The following BBS10 variants were observed in gnomAD, a reference collection of about 807,000 sequenced individuals.
The protein encoded by BBS10 is Bardet-Biedl syndrome 10.
In BBS10, 13 loss-of-function variants were observed where a neutral mutation model predicts 12.7. The ratio of observed to expected loss-of-function variants is 1.03; its 90% confidence interval spans 0.67 to 1.63. The LOEUF (loss-of-function observed/expected upper bound fraction) is 1.63, where lower values mean the gene tolerates loss of function less well. BBS10 is among the 40% of genes most tolerant of loss of function. The pLI is 0.00. For synonymous variants in BBS10, 294 were observed against 304.8 expected, an observed-to-expected ratio of 0.96 and a Z score of 0.37; for missense variants, 858 against 858.0, an observed-to-expected ratio of 1.00 and a Z score of 0.00.
rs780774293 is a variant in BBS10, at chr12:76,347,804, T to G, written c.198-17A>C. 1 of 1,597,960 alleles carries G rather than the reference T, an allele frequency of 6.3e-7. No homozygotes were observed. On this transcript the variant is annotated splice_polypyrimidine_tract_variant and intron_variant, in intron 1 of 1. Coordinates refer to ENST00000650064, the MANE Select transcript of BBS10 (RefSeq NM_024685.4). ...ACTATCATCCTGTACAAAAAAGAAA[T>G]AAAGCAACTCATTTTCAGAAGGCTG...
At position 76,348,399 on chromosome 12, in the gene BBS10, C is replaced by G. The variant is rs1202750827; in HGVS notation, c.-41G>C. The G allele has an allele frequency of 5.2e-6, 8 of 1,545,244 alleles. No homozygotes were observed. The highest frequency in any genetic ancestry group is 1.2e-5 in the South Asian group (1 of 84,258). ...CCTTTTTGACCAGCTTGCAGAACACCCGGGCCGACCGAAAACAGGGGTGGG... is the reference window on the plus strand; with the variant it reads ...CCTTTTTGACCAGCTTGCAGAACACGCGGGCCGACCGAAAACAGGGGTGGG... On this transcript the variant is annotated 5_prime_UTR_variant, in exon 1 of 2. Coordinates refer to ENST00000650064, the MANE Select transcript of BBS10 (RefSeq NM_024685.4).
chr12:76,346,980 T>C lies in BBS10; in HGVS notation c.1005A>G (p.Ser335=). ...VNGISVVECL[S]SEEVSLIRRI... ...TCCGGATAAGAGAAACTTCTTCTGA[T>C]GATAAACACTCAACCACTGATATGC... is the stretch of plus-strand genomic sequence containing the variant. Residue 335 remains serine (S), a synonymous_variant, in exon 2 of 2, where the codon TCA becomes TCG. Coordinates refer to ENST00000650064, the MANE Select transcript of BBS10 (RefSeq NM_024685.4). The C allele has an allele frequency of 1.2e-6, 2 of 1,611,346 alleles. No individual in the cohort carries two copies. Among genetic ancestry groups the C allele is most frequent in the Middle Eastern group, 1.6e-4 (1 of 6,062 alleles).
Position 76,347,046 on chromosome 12 carries a change from C to T in BBS10, c.939G>A (p.Val313=), listed in dbSNP as rs770072752. 1.2e-6 allele frequency: 2 copies of T among 1,613,160 alleles called. No homozygotes were observed. The highest frequency in any genetic ancestry group is 2.2e-5 in the South Asian group (2 of 91,080). The change falls in exon 2 of 2, where the codon GTG becomes GTA. Residue 313 remains valine (V), a synonymous_variant. Transcript: ENST00000650064. ...AATAACTAACTAAATCTGGTTGTTTCACACTAGATATGAGCAATTTTACAT... is the reference window on the plus strand; with the variant it reads ...AATAACTAACTAAATCTGGTTGTTTTACACTAGATATGAGCAATTTTACAT... ...SQNVKLLISS[V]KQPDLVSYYA...
intron 1 of BBS10, 82 bp downstream of exon 1, chr12:76,348,080 G>C (rs1951776707): frequency 6.9e-7 from 1 of 1,445,084 alleles, no homozygotes; most frequent in African/African-American, 1.4e-5. Context: ...TTCTAAGTAC[G>C]CATCGCCTCA....
rs202042386 is a variant in BBS10, at chr12:76,346,796, T to C, written c.1189A>G (p.Ile397Val). The C allele has an allele frequency of 2.0e-5, 33 of 1,614,034 alleles. No homozygotes were observed. Among genetic ancestry groups the C allele is most frequent in the Middle Eastern group, 1.6e-4 (1 of 6,084 alleles). ...CCATGCACTGGTCCACAAAGAACTA[T>C]AGAGTGTGGTATAAATGCACATGTG... Reference protein sequence around the residue: ...ISTCAFIPHSIVLCGPVHGLI... With the variant: ...ISTCAFIPHSVVLCGPVHGLI... The change falls in exon 2 of 2, where the codon ATA (isoleucine) becomes GTA (valine). Residue 397 changes from isoleucine to valine, a missense_variant. Ile to Val is a conservative substitution (Grantham distance 29). Coordinates refer to ENST00000650064, the MANE Select transcript of BBS10 (RefSeq NM_024685.4).
chr12:76,344,762 G>T lies in BBS10; in HGVS notation c.*1051C>A, dbSNP rs3087711. The T allele has an allele frequency of 6.6e-6, 1 of 152,032 alleles. No individual in the cohort carries two copies. The highest frequency in any genetic ancestry group is 1.5e-5 in the Non-Finnish European group (1 of 67,952). 9.4% of individuals were successfully genotyped at this position (152,032 alleles called of 1,614,324 possible). ...AATGAATTAAAGATAACACTGTTTTGTTCAACAAGCACTTCTGAATACTTG... is the reference window on the plus strand; with the variant it reads ...AATGAATTAAAGATAACACTGTTTTTTTCAACAAGCACTTCTGAATACTTG... On this transcript the variant is annotated 3_prime_UTR_variant, in exon 2 of 2. Coordinates refer to ENST00000650064, the MANE Select transcript of BBS10 (RefSeq NM_024685.4).
chr12:76,347,305 C>A lies in BBS10; in HGVS notation c.680G>T (p.Gly227Val), dbSNP rs1220264476. The change falls in exon 2 of 2, where the codon GGC (glycine) becomes GTC (valine). Residue 227 changes from glycine to valine, a missense_variant. By Grantham distance (109) the Gly-to-Val change is moderately radical. Coordinates refer to ENST00000650064, the MANE Select transcript of BBS10 (RefSeq NM_024685.4). ...HFVELNVGVT[G>V]LPVSDSRIIA... ...GATCCTGGAATCTGAAACAGGAAGGCCAGTGACACCAACATTCAACTCTAC... is the reference window on the plus strand; with the variant it reads ...GATCCTGGAATCTGAAACAGGAAGGACAGTGACACCAACATTCAACTCTAC... The A allele has an allele frequency of 1.2e-6, 2 of 1,613,886 alleles. No individual in the cohort carries two copies. The highest frequency in any genetic ancestry group is 1.7e-6 in the Non-Finnish European group (2 of 1,179,998).
chr12:76,347,377 G>A lies in BBS10; in HGVS notation c.608C>T (p.Thr203Ile), dbSNP rs1951767529. ...LMCDYFFKCM[T>I]CKSGIGVFEL... is the part of the protein sequence containing the mutation. ...AAATACACCAATCCCACTTTTACAA[G>A]TCATACACTTGAAAAAGTAGTCACA... Residue 203 changes from threonine to isoleucine, a missense_variant, in exon 2 of 2, where the codon ACT (threonine) becomes ATT (isoleucine). By Grantham distance (89) the Thr-to-Ile change is moderately conservative (BLOSUM62 -1). Coordinates refer to ENST00000650064, the MANE Select transcript of BBS10 (RefSeq NM_024685.4). 6.2e-7 allele frequency: 1 copy of A among 1,613,850 alleles called. No individual in the cohort carries two copies. The highest frequency in any genetic ancestry group is 8.5e-7 in the Non-Finnish European group (1 of 1,180,020).
At position 76,346,851 on chromosome 12, in the gene BBS10, G is replaced by A. The variant is rs764371181; in HGVS notation, c.1134C>T (p.Ser378=). The A allele has an allele frequency of 1.9e-6, 3 of 1,613,920 alleles. No individual in the cohort carries two copies. In the East Asian group the frequency reaches 6.7e-5, roughly 36 times the overall value. ...TCAAGCCTAGATGAACATATCTTTT[G>A]GATCTAAGGATAAGAGGTTTACAAA... The part of the protein sequence containing the change: ...VKFCKPLILR[S]KRYVHLGLIS... Residue 378 remains serine (S), a synonymous_variant, in exon 2 of 2, where the codon TCC becomes TCT. Coordinates refer to ENST00000650064, the MANE Select transcript of BBS10 (RefSeq NM_024685.4).
rs1009167954 is a variant in BBS10, at chr12:76,345,617, T to A, written c.*196A>T. The A allele has an allele frequency of 8.7e-6, 5 of 571,870 alleles. No individual in the cohort carries two copies. Among genetic ancestry groups the A allele is most frequent in the African/African-American group, 7.5e-5 (4 of 53,198 alleles). The allele number at this position is 571,870 out of a possible 1,614,324, so 35.4% of individuals were successfully genotyped here. On this transcript the variant is annotated 3_prime_UTR_variant, in exon 2 of 2. Transcript: ENST00000650064. ...AGACACACTTAGCCAAATCTTGGCTTCCCCTCTAGATTTGTTCCATAAAGT... is the reference window on the plus strand; with the variant it reads ...AGACACACTTAGCCAAATCTTGGCTACCCCTCTAGATTTGTTCCATAAAGT...
chr12:76,347,383 C>A lies in BBS10; in HGVS notation c.602G>T (p.Cys201Phe). The change falls in exon 2 of 2, where the codon TGT becomes TTT. Residue 201 changes from cysteine (C) to phenylalanine (F), a missense_variant. Physicochemically the swap from Cys to Phe is radical, Grantham distance 205 (BLOSUM62 -2). Coordinates refer to ENST00000650064, the MANE Select transcript of BBS10 (RefSeq NM_024685.4). The part of the protein sequence containing the change: ...SQLMCDYFFK[C>F]MTCKSGIGVF... ...ACCAATCCCACTTTTACAAGTCATA[C>A]ACTTGAAAAAGTAGTCACACATCAA... is the stretch of plus-strand genomic sequence containing the variant. The A allele has an allele frequency of 6.2e-7, 1 of 1,614,034 alleles. No homozygotes were observed. The highest frequency in any genetic ancestry group is 1.1e-5 in the South Asian group (1 of 91,082).
At chr12:76,347,888 T>C in intron 1 of BBS10, 101 bp from the exon 2 acceptor site, 2 of 1,297,020 alleles carry the variant, frequency 1.5e-6, no homozygotes, top group Admixed American at 2.2e-5. Context: ...AGAATATTGT[T>C]CCTTGGATAC....
chr12:76,345,828 T>C lies in BBS10; in HGVS notation c.2157A>G (p.Ser719=), dbSNP rs1951752945. Residue 719 remains serine, a synonymous_variant, in exon 2 of 2, where the codon TCA becomes TCG. Coordinates refer to ENST00000650064, the MANE Select transcript of BBS10 (RefSeq NM_024685.4). ...RHPQKVHNQD[S]EDEL is the part of the protein sequence containing the mutation. ...ACTTCTGATGTTATAGTTCATCTTCTGAATCTTGATTGTGAACTTTCTGAG... is the reference window on the plus strand; with the variant it reads ...ACTTCTGATGTTATAGTTCATCTTCCGAATCTTGATTGTGAACTTTCTGAG... 6.2e-7 allele frequency: 1 copy of C among 1,613,586 alleles called. No individual in the cohort carries two copies. Among genetic ancestry groups the C allele is most frequent in the Non-Finnish European group, 8.5e-7 (1 of 1,179,698 alleles).
Position 76,348,172 on chromosome 12 carries a change from G to A in BBS10, c.187C>T (p.Pro63Ser), listed in dbSNP as rs371540031. Reference sequence around the variant, plus strand: ...GTGGGACGCGGGTACCTGGCTATGGGATGCTCTAAGTGTAGCGCCTCCAGG... The same window carrying A: ...GTGGGACGCGGGTACCTGGCTATGGAATGCTCTAAGTGTAGCGCCTCCAGG... ...RLLEALHLEH[P>S]IARMIVDCVS... Residue 63 changes from proline to serine, a missense_variant, in exon 1 of 2, where the codon CCC becomes TCC. Coordinates refer to ENST00000650064, the MANE Select transcript of BBS10 (RefSeq NM_024685.4). 4.3e-6 allele frequency: 7 copies of A among 1,610,350 alleles called. No individual in the cohort carries two copies. In the African/African-American group the frequency reaches 9.4e-5, roughly 22 times the overall value.
rs774437650 is a variant in BBS10 at position 76,347,748 on chromosome 12, T to C, written c.237A>G (p.Thr79=). ...TAATAAATGTTTTTGCACCATCTCC[T>C]GTTTTTTTGAGATGACTGGAAACAC... The part of the protein sequence containing the change: ...VDCVSSHLKK[T]GDGAKTFIIF... The change falls in exon 2 of 2, where the codon ACA becomes ACG. Residue 79 remains threonine (T), a synonymous_variant. Coordinates refer to ENST00000650064, the MANE Select transcript of BBS10 (RefSeq NM_024685.4). 9.3e-6 allele frequency: 15 copies of C among 1,604,486 alleles called. No homozygotes were observed. The highest frequency in any genetic ancestry group is 3.3e-5 in the South Asian group (3 of 90,966).
rs1565808873 is a variant in BBS10 at position 76,344,519 on chromosome 12, CTAAT to C, written c.*1290_*1293del. 1 of 151,898 alleles carries C rather than the reference CTAAT, an allele frequency of 6.6e-6. No individual in the cohort carries two copies. Among genetic ancestry groups the C allele is most frequent in the African/African-American group, 2.4e-5 (1 of 41,362 alleles). 9.4% of individuals were successfully genotyped at this position (151,898 alleles called of 1,614,324 possible). ...TTCATCCATGAATTCAGCAAAAGAGCTAATTTATTCTCTCCATATTCACAGAAAC... is the reference window on the plus strand; with the variant it reads ...TTCATCCATGAATTCAGCAAAAGAGCTTATTCTCTCCATATTCACAGAAAC... On this transcript the variant is annotated 3_prime_UTR_variant, in exon 2 of 2. Transcript: ENST00000650064.
At position 76,346,738 on chromosome 12, in the gene BBS10, C is replaced by T. The variant is rs1445827173; in HGVS notation, c.1247G>A (p.Gly416Glu). The change falls in exon 2 of 2, where the codon GGA becomes GAA. Residue 416 changes from glycine to glutamate, a missense_variant. Transcript: ENST00000650064. ...TAATTGCCGAAGCATTTTAAGTGCTCCATGTAAAGCATCCTCATGTTGTTC... is the reference window on the plus strand; with the variant it reads ...TAATTGCCGAAGCATTTTAAGTGCTTCATGTAAAGCATCCTCATGTTGTTC... ...LIEQHEDALH[G>E]ALKMLRQLFK... 1 of 1,614,068 alleles carries T rather than the reference C, an allele frequency of 6.2e-7. No individual in the cohort carries two copies. Among genetic ancestry groups the T allele is most frequent in the Non-Finnish European group, 8.5e-7 (1 of 1,179,982 alleles).
At position 76,347,362 on chromosome 12, in the gene BBS10, A is replaced by T; in HGVS notation, c.623T>A (p.Ile208Asn). The T allele has an allele frequency of 6.2e-7, 1 of 1,614,078 alleles. No individual in the cohort carries two copies. Among genetic ancestry groups the T allele is most frequent in the South Asian group, 1.1e-5 (1 of 91,078 alleles). The change falls in exon 2 of 2, where the codon ATT (isoleucine) becomes AAT (asparagine). Residue 208 changes from isoleucine to asparagine, a missense_variant. Transcript: ENST00000650064. The stretch of plus-strand genomic sequence containing the variant: ...GTCATCCACTAACTCAAATACACCA[A>T]TCCCACTTTTACAAGTCATACACTT... ...FFKCMTCKSGIGVFELVDDHF... is the reference protein window; with the variant it reads ...FFKCMTCKSGNGVFELVDDHF...
chr12:76,347,495 TTC>T lies in BBS10; in HGVS notation c.488_489del (p.Arg163AsnfsTer4), dbSNP rs1565810107. ...FLSIFSSAKE[R>X]TLCRSSLELL... ...AACTCTAAAGAGCTCCTACACAATG[TTC>T]TCTCTTTAGCAGACGAAAAGATAGA... On this transcript the variant is annotated frameshift_variant, in exon 2 of 2. Transcript: ENST00000650064. LOFTEE classifies it low-confidence loss of function (END_TRUNC). 6.2e-7 allele frequency: 1 copy of T among 1,613,824 alleles called. No homozygotes were observed. The highest frequency in any genetic ancestry group is 8.5e-7 in the Non-Finnish European group (1 of 1,180,002).
Sources: allele counts gnomAD v4.1 joint callset, GRCh38; gene constraint gnomAD v4.1.1; transcripts MANE v1.5; gene names NCBI Gene and HGNC (gene_info 2026-07-23, HGNC 2026-07-21).